The following FAM135B variants were observed in gnomAD, a reference collection of about 807,000 sequenced individuals.
The protein encoded by FAM135B is family with sequence similarity 135 member B.
Under a neutral mutation model 127.7 loss-of-function variants are expected in FAM135B, and 43 were observed. That is an observed-to-expected ratio of 0.34 (90% CI 0.26 to 0.43). The LOEUF is 0.43. Among genes scored for constraint, FAM135B ranks in the 20% least tolerant of loss-of-function variants. The probability of loss-of-function intolerance (pLI) is 1.00; values close to 1 mark genes in which losing one functional copy is unlikely to be tolerated. For synonymous variants in FAM135B, 670 were observed against 665.1 expected, an observed-to-expected ratio of 1.01 and a Z score of -0.11; for missense variants, 1,558 against 1,725.6, an observed-to-expected ratio of 0.90 and a Z score of 1.72.
intron 1 of FAM135B, among the ~76,000 whole-genome samples, chr8:138,435,151 A>C (rs540407047): frequency 6.6e-6 from 1 of 152,258 alleles, no homozygotes; most frequent in African/African-American, 2.4e-5. Context: ...ACAAAAAATT[A>C]GCCAGACGTC....
intron 1 of FAM135B, among the ~76,000 whole-genome samples, chr8:138,402,320 C>T (rs76478776): frequency 0.033 from 5,044 of 152,128 alleles, 289 homozygotes; most frequent in African/African-American, 0.11. Context: ...CTCAGTTTTT[C>T]GTGGGAAATA....
chr8:138,448,938 T>C (rs935686241), intron 1 of FAM135B, among the ~76,000 whole-genome samples: 1 of 152,160 alleles, frequency 6.6e-6, no homozygotes, highest in Non-Finnish European at 1.5e-5. Context: ...CCCCTCTTTA[T>C]ACACTAATCT....
In FAM135B at chr8:138,146,023, T is replaced by A. The variant is rs778880625; in HGVS notation, c.3476A>T (p.Lys1159Met). ...DGNSADLRLV[K>M]TFIELGLPGG... ...AGGGAGCCCCAGTTCTATGAAAGTC[T>A]TTACCAGCCGGAGGTCTGCACTGTT... Residue 1159 changes from lysine to methionine, a missense_variant, in exon 15 of 20, where the codon AAG becomes ATG. Physicochemically the swap from Lys to Met is moderately conservative, Grantham distance 95 (BLOSUM62 -1). This residue lies in a region of FAM135B where 194 missense variants were observed against 333.8 expected (regional missense o/e 0.58). Coordinates refer to ENST00000395297, the MANE Select transcript of FAM135B (RefSeq NM_015912.4). 3 of 1,609,316 alleles carry A rather than the reference T, an allele frequency of 1.9e-6. No individual in the cohort carries two copies.
chr8:138,414,312 C>T (rs1159285545), intron 1 of FAM135B, among the ~76,000 whole-genome samples: 1 of 151,942 alleles, frequency 6.6e-6, no homozygotes, highest in Admixed American at 6.6e-5. Context: ...ACCATATGTG[C>T]CTGCATGACC....
intron 9 of FAM135B, among the ~76,000 whole-genome samples, chr8:138,189,397 A>G (rs965442358): frequency 6.6e-6 from 1 of 152,200 alleles, no homozygotes; most frequent in African/African-American, 2.4e-5. Flanking sequence ...TGGATGCCAA[A>G]CAAGAGCTCG....
chr8:138,385,843 C>T (rs1431413777), intron 1 of FAM135B, among the ~76,000 whole-genome samples: 1 of 152,060 alleles, frequency 6.6e-6, no homozygotes, highest in Non-Finnish European at 1.5e-5. Flanking sequence ...GCAAAAGGCA[C>T]AAAGGACACA....
At position 138,197,531 on chromosome 8, in the gene FAM135B, G is replaced by A. The variant is rs1459613343; in HGVS notation, c.808C>T (p.Pro270Ser). 1 of 1,613,942 alleles carries A rather than the reference G, an allele frequency of 6.2e-7. No homozygotes were observed. Among genetic ancestry groups the A allele is most frequent in the African/African-American group, 1.3e-5 (1 of 74,926 alleles). The change falls in exon 8 of 20, where the codon CCA (proline) becomes TCA (serine). Residue 270 changes from proline (P) to serine (S), a missense_variant. Physicochemically the swap from Pro to Ser is moderately conservative, Grantham distance 74. Around this residue, in one of 5 missense-constraint regions of FAM135B, gnomAD observed 127 missense variants for 109.7 expected, o/e 1.16. Coordinates refer to ENST00000395297, the MANE Select transcript of FAM135B (RefSeq NM_015912.4). ...GGGCCCTTACCCAGCTCCGTGTGTG[G>A]CAGCTCTGGGATGTCCCGCATGATC... ...LVIMRDIPEL[P>S]HTELEALAVE...
chr8:138,238,317 C>G (rs1198107762), intron 7 of FAM135B, among the ~76,000 whole-genome samples: 1 of 152,196 alleles, frequency 6.6e-6, no homozygotes, highest in Admixed American at 6.5e-5. Context: ...ATCCTCTCAG[C>G]AACCCTGTGA....
At chr8:138,232,148 G>A (rs1282702883) in intron 7 of FAM135B, among the ~76,000 whole-genome samples, 1 of 152,216 alleles carries the variant, frequency 6.6e-6, no homozygotes, top group Non-Finnish European at 1.5e-5. Flanking sequence ...CACTATTCTT[G>A]CTCTATGCCC....
In FAM135B at chr8:138,369,308, CT is replaced by C. The variant is rs570388847; in HGVS notation, c.-19-1307del. ...AACTGGTGATTCACACTTGGGTCTCCTTCCAAAGCCCCTCTTACTGCCCCCA... is the reference window on the plus strand; with the variant it reads ...AACTGGTGATTCACACTTGGGTCTCCTCCAAAGCCCCTCTTACTGCCCCCA... On this transcript the variant is annotated intron_variant, in intron 1 of 19. Coordinates refer to ENST00000395297, the MANE Select transcript of FAM135B (RefSeq NM_015912.4). 2.3e-4 allele frequency among the ~76,000 whole-genome samples: 35 copies of C among 152,240 alleles called. No individual in the cohort carries two copies. In the South Asian group the frequency reaches 6.8e-3, roughly 30 times the overall value.
chr8:138,133,838 C>A (rs943353628), intron 19 of FAM135B, among the ~76,000 whole-genome samples: 2 of 152,054 alleles, frequency 1.3e-5, no homozygotes, highest in East Asian at 1.9e-4. Flanking sequence ...ACAGCTGGAC[C>A]CCCCCATCAC....
At chr8:138,200,915 C>T (rs753537867) in intron 7 of FAM135B, among the ~76,000 whole-genome samples, 2 of 152,202 alleles carry the variant, frequency 1.3e-5, no homozygotes, top group African/African-American at 4.8e-5. Flanking sequence ...TGCAAGGTCA[C>T]TCTGCTTGCC....
At chr8:138,340,173 T>A (rs1287172198) in intron 2 of FAM135B, among the ~76,000 whole-genome samples, 1 of 152,134 alleles carries the variant, frequency 6.6e-6, no homozygotes, top group Non-Finnish European at 1.5e-5. Context: ...ATCCAGAACA[T>A]CTCTGCACCC....
intron 7 of FAM135B, among the ~76,000 whole-genome samples, chr8:138,216,849 A>G (rs1586799453): frequency 6.6e-6 from 1 of 152,302 alleles, no homozygotes; most frequent in South Asian, 2.1e-4. Context: ...AGACAGCTAC[A>G]ATCCTAACCA....
At chr8:138,190,031 A>T (rs1815967503) in intron 9 of FAM135B, among the ~76,000 whole-genome samples, 1 of 152,154 alleles carries the variant, frequency 6.6e-6, no homozygotes, top group African/African-American at 2.4e-5. Flanking sequence ...ACTTCCCTCC[A>T]GTCTCTGACT....
chr8:138,284,860 A>T (rs1824545311), intron 3 of FAM135B, among the ~76,000 whole-genome samples: 1 of 152,040 alleles, frequency 6.6e-6, no homozygotes, highest in Non-Finnish European at 1.5e-5. Context: ...TATTAAACTA[A>T]GGCCTCTGTA....
intron 7 of FAM135B, among the ~76,000 whole-genome samples, chr8:138,223,723 A>G (rs1397178198): frequency 6.6e-6 from 1 of 152,230 alleles, no homozygotes; most frequent in Non-Finnish European, 1.5e-5. Flanking sequence ...GTATTGCAGA[A>G]ATGTGTTAAA....
intron 2 of FAM135B, among the ~76,000 whole-genome samples, chr8:138,336,686 G>C (rs975787035): frequency 2.0e-5 from 3 of 152,166 alleles, no homozygotes; most frequent in Non-Finnish European, 4.4e-5. Context: ...GTACAAGGAG[G>C]AGCTGCTACC....
At chr8:138,424,381 T>C (rs995023680) in intron 1 of FAM135B, among the ~76,000 whole-genome samples, 4 of 152,212 alleles carry the variant, frequency 2.6e-5, no homozygotes, top group African/African-American at 9.6e-5. Flanking sequence ...CTTCAGCCGG[T>C]CCCTCCGTTC....
Sources: allele counts gnomAD v4.1 joint callset (sites outside exome capture counted in the v4.1 genomes callset), GRCh38; gene constraint gnomAD v4.1.1; regional missense constraint gnomAD v4.1.1; transcripts MANE v1.5; gene names NCBI Gene and HGNC (gene_info 2026-07-23, HGNC 2026-07-21).